The following VMA12 variants were observed in gnomAD, a reference collection of about 807,000 sequenced individuals.
The protein encoded by VMA12 is vacuolar ATPase assembly factor VMA12.
At chr17:28,359,279 G>A in the VMA12 span, 52 of 1,607,228 alleles carry the variant, frequency 3.2e-5, no homozygotes, top group East Asian at 1.1e-3. Context: ...AACAAGCTGG[G>A]AATATCATTC....
the VMA12 span, chr17:28,357,668 G>C: frequency 1.2e-6 from 2 of 1,611,868 alleles, no homozygotes; most frequent in South Asian, 2.2e-5. Flanking sequence ...GAGCCGGCTA[G>C]ATATGGCGTC....
At chr17:28,360,703 C>G in the VMA12 span, 7 of 1,608,520 alleles carry the variant, frequency 4.4e-6, no homozygotes, top group Middle Eastern at 1.7e-4. Flanking sequence ...GAATGTTGAA[C>G]TAAAGGTGCC....
At chr17:28,357,966 T>C in the VMA12 span, 1 of 1,424,020 alleles carries the variant, frequency 7.0e-7, no homozygotes, top group South Asian at 1.2e-5. Flanking sequence ...TTCCCCTTCT[T>C]CTACGGAGCA....
chr17:28,361,137 C>T, the VMA12 span: 1 of 1,613,230 alleles, frequency 6.2e-7, no homozygotes, highest in South Asian at 1.1e-5. Context: ...TCCCTTAAGC[C>T]TGGTTCTCCC....
At chr17:28,359,565 TCACTGAGACTCTG>T in the VMA12 span, 57 of 583,876 alleles carry the variant, frequency 9.8e-5, no homozygotes, top group African/African-American at 1.0e-3. Flanking sequence ...CCCATCTCAT[TCACTGAGACTCTG>T]GGCTGAGATG....
chr17:28,360,541 G>A, the VMA12 span: 1 of 1,614,136 alleles, frequency 6.2e-7, no homozygotes, highest in Non-Finnish European at 8.5e-7. Context: ...TACAAGACAT[G>A]GTGGGACTCT....
the VMA12 span, chr17:28,361,022 G>A: frequency 5.6e-5 from 53 of 949,532 alleles, no homozygotes; most frequent in Admixed American, 2.4e-4. Flanking sequence ...AACCCCAGGA[G>A]AAGCCACATT....
the VMA12 span, chr17:28,362,192 T>C: frequency 2.0e-5 from 3 of 152,218 alleles, no homozygotes; most frequent in Admixed American, 6.5e-5. Context: ...TCTTTTTTTT[T>C]TTTTCCAAAG....
the VMA12 span, chr17:28,358,458 T>G: frequency 4.2e-6 from 2 of 472,258 alleles, no homozygotes; most frequent in Non-Finnish European, 8.8e-6. Context: ...CAGGACAAAC[T>G]AGCACATAAG....
At chr17:28,360,509 C>T in the VMA12 span, 1 of 1,613,518 alleles carries the variant, frequency 6.2e-7, no homozygotes, top group South Asian at 1.1e-5. Context: ...TCTGAATCAT[C>T]TTCTTTTTCT....
the VMA12 span, chr17:28,360,253 C>T: frequency 2.9e-6 from 1 of 341,498 alleles, no homozygotes; most frequent in African/African-American, 2.1e-5. Context: ...GCCACTGTGC[C>T]CAGCCATTCG....
chr17:28,361,176 T>G, the VMA12 span: 1 of 1,614,134 alleles, frequency 6.2e-7, no homozygotes, highest in Non-Finnish European at 8.5e-7. Flanking sequence ...GCTGCATTGA[T>G]CGTCGCCTCT....
chr17:28,360,113 A>G, the VMA12 span: 1 of 172,974 alleles, frequency 5.8e-6, no homozygotes, highest in South Asian at 1.3e-4. Flanking sequence ...GATTACAGGC[A>G]TGCACCACCA....
the VMA12 span, chr17:28,358,099 C>T: frequency 1.8e-3 from 1,051 of 582,432 alleles, 13 homozygotes; most frequent in African/African-American, 0.018. Context: ...TGAGAGCCCC[C>T]TCTTCACTTC....
chr17:28,360,643 G>A, the VMA12 span: 16 of 1,607,944 alleles, frequency 1.0e-5, no homozygotes, highest in African/African-American at 1.6e-4. Context: ...CTTGTTGTTT[G>A]ACTGAAACCC....
At chr17:28,360,662 G>A in the VMA12 span, 3 of 1,604,380 alleles carry the variant, frequency 1.9e-6, no homozygotes, top group Non-Finnish European at 1.7e-6. Context: ...CCAGTTGGTG[G>A]GGGAGCCATG....
chr17:28,358,295 G>GTT, the VMA12 span: 1,195 of 422,712 alleles, frequency 2.8e-3, 15 homozygotes, highest in African/African-American at 0.023. Flanking sequence ...TGTTTTGTTT[G>GTT]TTTGTTTTTT....
the VMA12 span, chr17:28,361,156 G>C: frequency 6.2e-7 from 1 of 1,614,094 alleles, no homozygotes. Context: ...CCCATCTCCA[G>C]CGGGTGCTAG....
At chr17:28,361,648 A>G in the VMA12 span, 1 of 170,106 alleles carries the variant, frequency 5.9e-6, no homozygotes, top group Non-Finnish European at 1.3e-5. Context: ...ACTGATCACC[A>G]GCTTTCTCCA....
Sources: allele counts gnomAD v4.1 joint callset, GRCh38; gene constraint gnomAD v4.1.1; transcripts MANE v1.5; gene names NCBI Gene and HGNC (gene_info 2026-07-23, HGNC 2026-07-21).